ZDHHC2: variants seen among roughly 807,000 people sequenced by gnomAD.
ZDHHC2 encodes palmitoyltransferase ZDHHC2.
ZDHHC2 carries 51 observed loss-of-function variants against 55.6 expected under a neutral mutation model. The ratio of observed to expected loss-of-function variants is 0.92; its 90% CI spans 0.73 to 1.16. The LOEUF is 1.16. Among genes scored for constraint, ZDHHC2 ranks in the 50% most tolerant of loss-of-function variants. The pLI is 0.00. For missense variants in ZDHHC2, 491 were observed against 442.4 expected (o/e 1.11, Z -0.99); for synonymous variants, 199 against 152.9 (o/e 1.30, Z -2.22).
intron 3 of ZDHHC2, among the ~76,000 whole-genome samples, chr8:17,186,646 T>G (rs1244244690): frequency 6.6e-6 from 1 of 152,226 alleles, no homozygotes; most frequent in Non-Finnish European, 1.5e-5. Context: ...GAATCTGTTA[T>G]GAATTCCATT....
At chr8:17,215,190 A>G in intron 10 of ZDHHC2, 47 bp from the exon 11 acceptor site, 2 of 1,507,310 alleles carry the variant, frequency 1.3e-6, no homozygotes, top group Non-Finnish European at 1.8e-6. Flanking sequence ...CTTTACTATC[A>G]AAAATTAGCT....
chr8:17,180,882 G>C (rs1462775841), intron 1 of ZDHHC2, among the ~76,000 whole-genome samples: 1 of 152,162 alleles, frequency 6.6e-6, no homozygotes, highest in Non-Finnish European at 1.5e-5. Flanking sequence ...ACCAAGCTGG[G>C]GGTGGAGGGA....
At chr8:17,157,740 G>C (rs1379934703) in intron 1 of ZDHHC2, among the ~76,000 whole-genome samples, 1 of 152,206 alleles carries the variant, frequency 6.6e-6, no homozygotes, top group Non-Finnish European at 1.5e-5. Flanking sequence ...AACAGAAAAT[G>C]ACCTTTCTGC....
intron 3 of ZDHHC2, among the ~76,000 whole-genome samples, chr8:17,193,273 TTACAGACTGGTA>T (rs1461772399): frequency 5.9e-5 from 9 of 152,234 alleles, no homozygotes; most frequent in African/African-American, 2.2e-4. Context: ...ACTGTGGTTC[TTACAGACTGGTA>T]GATGTGTACT....
At chr8:17,171,705 C>T (rs1172679692) in intron 1 of ZDHHC2, among the ~76,000 whole-genome samples, 1 of 151,810 alleles carries the variant, frequency 6.6e-6, no homozygotes, top group Non-Finnish European at 1.5e-5. Flanking sequence ...ATGTTGAATT[C>T]CGCCACGTGT....
intron 6 of ZDHHC2, among the ~76,000 whole-genome samples, chr8:17,201,100 A>G (rs1321826451): frequency 6.6e-6 from 1 of 152,182 alleles, no homozygotes; most frequent in Non-Finnish European, 1.5e-5. Context: ...GTCTATAGGT[A>G]ATAACATGCT....
chr8:17,196,776 C>T (rs911943425), intron 4 of ZDHHC2, among the ~76,000 whole-genome samples: 1 of 151,802 alleles, frequency 6.6e-6, no homozygotes, highest in Non-Finnish European at 1.5e-5. Context: ...CGTGGTGGCG[C>T]ATGCCTGTAG....
At chr8:17,178,929 T>A (rs542055814) in intron 1 of ZDHHC2, among the ~76,000 whole-genome samples, 45 of 152,292 alleles carry the variant, frequency 3.0e-4, no homozygotes, top group African/African-American at 9.6e-4. Context: ...TTCAGCCTTT[T>A]TATATGTTGT....
intron 10 of ZDHHC2, 133 bp downstream of exon 10, chr8:17,210,613 A>AG (rs1429939695): frequency 5.8e-6 from 4 of 687,466 alleles, no homozygotes; most frequent in Non-Finnish European, 9.4e-6. Context: ...ACTTGAAATG[A>AG]GGGAAAAAAG....
intron 12 of ZDHHC2, among the ~76,000 whole-genome samples, chr8:17,219,215 A>G (rs1185378773): frequency 2.3e-5 from 3 of 128,180 alleles, no homozygotes; most frequent in Admixed American, 1.0e-4. Context: ...GTGCCATTGC[A>G]CTCCAGCCTG....
intron 1 of ZDHHC2, among the ~76,000 whole-genome samples, chr8:17,171,021 T>C (rs762544440): frequency 3.3e-5 from 5 of 152,278 alleles, no homozygotes; most frequent in East Asian, 3.9e-4. Flanking sequence ...ATAGCCATTA[T>C]GTGGAAAGCA....
At chr8:17,196,581 TA>T (rs111516017) in intron 4 of ZDHHC2, among the ~76,000 whole-genome samples, 24,786 of 142,680 alleles carry the variant, frequency 0.17, 2,445 homozygotes, top group Admixed American at 0.31. Flanking sequence ...AAAAAATGTT[TA>T]AAAAAAAAAA....
At chr8:17,195,417 A>G in intron 3 of ZDHHC2, 87 bp from the exon 4 acceptor site, 1 of 1,408,224 alleles carries the variant, frequency 7.1e-7, no homozygotes, top group Non-Finnish European at 9.6e-7. Context: ...AATATTTTAT[A>G]AATACCCTTT....
At chr8:17,170,323 A>G (rs1804797555) in intron 1 of ZDHHC2, among the ~76,000 whole-genome samples, 1 of 152,224 alleles carries the variant, frequency 6.6e-6, no homozygotes, top group Non-Finnish European at 1.5e-5. Context: ...TCGTGCAGCA[A>G]TTACTGCTGG....
Position 17,195,558 on chromosome 8 carries a change from G to C in ZDHHC2, c.307G>C (p.Ala103Pro), listed in dbSNP as rs1482647892. ...GTTGGAGAGAGAGCCAAGAGGAGAA[G>C]CCCATCAGGAAGTTCTTAGGCGAGC... ...DLLEREPRGE[A>P]HQEVLRRAAK... The change falls in exon 4 of 13, where the codon GCC (alanine) becomes CCC (proline). Residue 103 changes from alanine (A) to proline (P), a missense_variant. Transcript: ENST00000262096. 3 of 1,613,914 alleles carry C rather than the reference G, an allele frequency of 1.9e-6. No homozygotes were observed. The highest frequency in any genetic ancestry group is 2.5e-6 in the Non-Finnish European group (3 of 1,179,828).
At position 17,156,720 on chromosome 8, in the gene ZDHHC2, G is replaced by T; in HGVS notation, c.-4G>T. The T allele has an allele frequency of 6.8e-7, 1 of 1,471,140 alleles. No individual in the cohort carries two copies. 91.1% of individuals were successfully genotyped at this position (1,471,140 alleles called of 1,614,324 possible). A position where few individuals can be genotyped will look rare whatever the true frequency, so the allele number is the denominator to read the frequency against. On this transcript the variant is annotated 5_prime_UTR_variant, in exon 1 of 13. It introduces an in-frame stop codon into an upstream open reading frame of the 5' UTR. Coordinates refer to ENST00000262096, the MANE Select transcript of ZDHHC2 (RefSeq NM_016353.5). ...GGAGCTGGGCAGGTGGATGCGGCTGGAAGATGGCGCCCTCGGGCCCGGGCA... is the reference window on the plus strand; with the variant it reads ...GGAGCTGGGCAGGTGGATGCGGCTGTAAGATGGCGCCCTCGGGCCCGGGCA...
chr8:17,184,829 T>C lies in ZDHHC2; in HGVS notation c.157+14T>C. The C allele has an allele frequency of 6.5e-7, 1 of 1,534,432 alleles. No homozygotes were observed. Among genetic ancestry groups the C allele is most frequent in the East Asian group, 2.5e-5 (1 of 40,782 alleles). On this transcript the variant is annotated intron_variant, in intron 2 of 12. Coordinates refer to ENST00000262096, the MANE Select transcript of ZDHHC2 (RefSeq NM_016353.5). ...CTGGCGAACAAGGTAAGCTAGATTA[T>C]ATTAATGTTATAGATTTTTTAAATA... is the stretch of plus-strand genomic sequence containing the variant.
At chr8:17,217,613 C>CAT (rs1168908667) in intron 12 of ZDHHC2, among the ~76,000 whole-genome samples, 1 of 152,078 alleles carries the variant, frequency 6.6e-6, no homozygotes, top group African/African-American at 2.4e-5. Context: ...TCAGAATATA[C>CAT]AGTGGTCATA....
chr8:17,199,697 C>CCTTCTTCCTTCTTT (rs1305205442), intron 6 of ZDHHC2, among the ~76,000 whole-genome samples: 27 of 145,724 alleles, frequency 1.9e-4, no homozygotes, highest in African/African-American at 3.2e-4. Context: ...TCTTCTTTCT[C>CCTTCTTCCTTCTTT]CTTCTTCCTT....
Sources: gnomAD v4.1 joint callset for allele counts (sites outside exome capture counted in the v4.1 genomes callset) on GRCh38, gnomAD v4.1.1 for gene constraint, MANE v1.5 for transcripts, NCBI Gene and HGNC (gene_info 2026-07-23, HGNC 2026-07-21) for gene names.